The following ERGIC1 variants were observed in gnomAD, a reference collection of about 807,000 sequenced individuals.
ERGIC1 encodes endoplasmic reticulum-Golgi intermediate compartment protein 1.
In ERGIC1, 19 loss-of-function variants were observed where a neutral mutation model predicts 38.3. The ratio of observed to expected loss-of-function variants is 0.50; its 90% confidence interval spans 0.35 to 0.73. The LOEUF (loss-of-function observed/expected upper bound fraction) is 0.73. Ranked by LOEUF, ERGIC1 falls within the 30% of genes least tolerant of loss-of-function variation. The pLI is 0.01. For synonymous variants in ERGIC1, 124 were observed against 157.6 expected (o/e 0.79, Z 1.60); for missense variants, 294 against 389.2 (o/e 0.76, Z 2.06).
Position 172,898,030 on chromosome 5 carries a change from A to G in ERGIC1, c.155+956A>G, listed in dbSNP as rs572688999. ...CCTCTGTGATGGAATTAGACCCAGGAGCTTCCTGCCTTTGGCACTGGCTTG... is the reference window on the plus strand; with the variant it reads ...CCTCTGTGATGGAATTAGACCCAGGGGCTTCCTGCCTTTGGCACTGGCTTG... On this transcript the variant is annotated intron_variant, in intron 3 of 9. Transcript: ENST00000393784. 1.7e-5 allele frequency: 7 copies of G among 406,598 alleles called. No homozygotes were observed. In the East Asian group the frequency reaches 2.1e-4, roughly 12 times the overall value. The allele number at this position is 406,598 out of a possible 1,614,324, so 25.2% of individuals were successfully genotyped here. A position where few individuals can be genotyped will look rare whatever the true frequency, so the allele number is the denominator to read the frequency against.
At chr5:172,909,154 C>T (rs1360069044) in intron 3 of ERGIC1, among the ~76,000 whole-genome samples, 20 of 149,826 alleles carry the variant, frequency 1.3e-4, no homozygotes, top group South Asian at 4.2e-4. Flanking sequence ...TTTCCTGAGC[C>T]CCAGCCCTCC....
chr5:172,872,514 T>C (rs1237275103), intron 1 of ERGIC1, among the ~76,000 whole-genome samples: 1 of 152,112 alleles, frequency 6.6e-6, no homozygotes, highest in African/African-American at 2.4e-5. Flanking sequence ...ACTGAGAGTG[T>C]TGTCAAAAGG....
At chr5:172,854,667 G>T (rs536987308) in intron 1 of ERGIC1, among the ~76,000 whole-genome samples, 11 of 152,246 alleles carry the variant, frequency 7.2e-5, no homozygotes, top group African/African-American at 2.7e-4. Flanking sequence ...GCCGGTTCCC[G>T]CCTTGTTCCC....
intron 9 of ERGIC1, chr5:172,935,922 C>A (rs564332043): frequency 6.6e-6 from 1 of 152,474 alleles, no homozygotes; most frequent in East Asian, 1.9e-4. Flanking sequence ...GGTCAGGGTG[C>A]CCTTCTTCAC....
intron 3 of ERGIC1, 118 bp from the exon 4 acceptor site, chr5:172,909,549 G>C (rs1581565063): frequency 2.3e-6 from 2 of 882,252 alleles, no homozygotes; most frequent in East Asian, 5.0e-5. Flanking sequence ...GCTCTGCCCA[G>C]GTGGAGTCTG....
chr5:172,915,733 G>A (rs550313006), intron 5 of ERGIC1: 7 of 437,266 alleles, frequency 1.6e-5, no homozygotes, highest in South Asian at 1.1e-4. Context: ...TCTTGCCCGA[G>A]GTCACACAGC....
chr5:172,914,672 G>A (rs770287804), intron 4 of ERGIC1, 42 bp from the exon 5 acceptor site: 32 of 1,613,614 alleles, frequency 2.0e-5, no homozygotes, highest in East Asian at 1.6e-4. Flanking sequence ...ATCCTCCCGC[G>A]TCTCTGGGTT....
At chr5:172,849,875 A>T (rs1761362112) in intron 1 of ERGIC1, among the ~76,000 whole-genome samples, 2 of 152,210 alleles carry the variant, frequency 1.3e-5, no homozygotes, top group Non-Finnish European at 2.9e-5. Flanking sequence ...TGGTGATAGT[A>T]GAAGTAAAAA....
intron 4 of ERGIC1, among the ~76,000 whole-genome samples, chr5:172,911,607 T>C (rs1225788439): frequency 6.6e-6 from 1 of 152,152 alleles, no homozygotes; most frequent in African/African-American, 2.4e-5. Flanking sequence ...TCATTGTACT[T>C]CTGGAAAACA....
intron 5 of ERGIC1, among the ~76,000 whole-genome samples, chr5:172,923,639 CA>C (rs1201731009): frequency 6.6e-6 from 1 of 152,146 alleles, no homozygotes; most frequent in Non-Finnish European, 1.5e-5. Flanking sequence ...TCTGCAAGCT[CA>C]AAGGTCATCC....
At chr5:172,880,575 T>G (rs1418794474) in intron 1 of ERGIC1, among the ~76,000 whole-genome samples, 1 of 152,130 alleles carries the variant, frequency 6.6e-6, no homozygotes, top group East Asian at 1.9e-4. Context: ...ACCCACCCAC[T>G]TCAGCCTCCC....
At chr5:172,871,445 G>A (rs900393156) in intron 1 of ERGIC1, among the ~76,000 whole-genome samples, 1 of 152,194 alleles carries the variant, frequency 6.6e-6, no homozygotes, top group Non-Finnish European at 1.5e-5. Context: ...TGTCTGATGA[G>A]CCCCATCCGA....
intron 4 of ERGIC1, among the ~76,000 whole-genome samples, chr5:172,911,160 G>A (rs1400628942): frequency 6.6e-6 from 1 of 152,108 alleles, no homozygotes; most frequent in East Asian, 1.9e-4. Flanking sequence ...GAGAACACTG[G>A]GTGCATCTCC....
At chr5:172,896,971 T>C in intron 2 of ERGIC1, 31 bp from the exon 3 acceptor site, 1 of 1,609,522 alleles carries the variant, frequency 6.2e-7, no homozygotes, top group Non-Finnish European at 8.5e-7. Flanking sequence ...CCACCACCCT[T>C]AACAGTTTGC....
chr5:172,863,293 A>T (rs1236767554), intron 1 of ERGIC1, among the ~76,000 whole-genome samples: 1 of 152,254 alleles, frequency 6.6e-6, no homozygotes, highest in Non-Finnish European at 1.5e-5. Flanking sequence ...AAGTGTAAAA[A>T]GACCTACTAG....
intron 2 of ERGIC1, among the ~76,000 whole-genome samples, chr5:172,889,959 C>T (rs1249340558): frequency 6.6e-6 from 1 of 152,190 alleles, no homozygotes; most frequent in Non-Finnish European, 1.5e-5. Context: ...GTGTATGTAG[C>T]TATTCTCCCA....
intron 2 of ERGIC1, among the ~76,000 whole-genome samples, chr5:172,893,905 A>ATGTGTGTGTGTGTGTGTGTG (rs1554110394): frequency 8.4e-4 from 13 of 15,536 alleles, no homozygotes; most frequent in Non-Finnish European, 1.5e-3. Context: ...ATATATATAT[A>ATGTGTGTGTGTGTGTGTGTG]TGTGTGTGTG....
intron 1 of ERGIC1, chr5:172,867,415 C>G (rs767767393): frequency 5.1e-6 from 2 of 394,498 alleles, no homozygotes; most frequent in South Asian, 3.6e-5. Flanking sequence ...GGCTGCTGCC[C>G]GTAACTTTTC....
At chr5:172,937,029 G>A (rs567495842) in intron 9 of ERGIC1, 1 of 152,182 alleles carries the variant, frequency 6.6e-6, no homozygotes, top group East Asian at 1.9e-4. Context: ...AAAACAGACA[G>A]AGAGATACAA....
Sources: gnomAD v4.1 joint callset for allele counts (sites outside exome capture counted in the v4.1 genomes callset) on GRCh38, gnomAD v4.1.1 for gene constraint, MANE v1.5 for transcripts, NCBI Gene and HGNC (gene_info 2026-07-23, HGNC 2026-07-21) for gene names.